Variants in ABHD6 observed in about 807,000 individuals in gnomAD.
The protein encoded by ABHD6 is monoacylglycerol lipase ABHD6.
A neutral mutation model predicts 38.8 loss-of-function variants in ABHD6; 33 were observed. The observed-to-expected ratio is 0.85, with a 90% CI of 0.64 to 1.14. The LOEUF is 1.14. ABHD6 is among the 50% of genes most tolerant of loss of function. The pLI, the probability that ABHD6 is intolerant of heterozygous loss-of-function variation, is 0.00. For synonymous variants in ABHD6, 147 were observed against 161.6 expected, an observed-to-expected ratio of 0.91 and a Z score of 0.69; for missense variants, 380 against 422.6, an observed-to-expected ratio of 0.90 and a Z score of 0.88.
Position 58,269,294 on chromosome 3 carries a change from T to C in ABHD6, c.277-27T>C. ...CAGACATGTTTTGCACACCACATAC[T>C]GACTCTCTGGGTCTGTGTGTCCTCA... On this transcript the variant is annotated intron_variant, in intron 4 of 9. Transcript: ENST00000478253. The surrounding 1 kb of genome is among the most constrained non-coding windows in gnomAD (Gnocchi z 4.4). The C allele has an allele frequency of 6.4e-7, 1 of 1,569,224 alleles. No individual in the cohort carries two copies.
At chr3:58,258,629 G>A (rs1346682971) in intron 3 of ABHD6, 2 of 201,582 alleles carry the variant, frequency 9.9e-6, no homozygotes, top group Non-Finnish European at 2.1e-5. Flanking sequence ...CTATAGGTAA[G>A]CCCATTGAGA....
intron 9 of ABHD6, among the ~76,000 whole-genome samples, chr3:58,288,335 C>A (rs1469736960): frequency 6.6e-6 from 1 of 152,186 alleles, no homozygotes; most frequent in Non-Finnish European, 1.5e-5. Context: ...TGTGCATTGT[C>A]ATTTTTGTGA....
At chr3:58,286,872 A>ATATATATATATATATG (rs1559784535) in intron 9 of ABHD6, among the ~76,000 whole-genome samples, 3 of 133,836 alleles carry the variant, frequency 2.2e-5, no homozygotes, top group Admixed American at 1.6e-4. Context: ...ATATATATGT[A>ATATATATATATATATG]TATGTATATA....
intron 7 of ABHD6, among the ~76,000 whole-genome samples, chr3:58,281,238 T>C (rs1186748545): frequency 2.0e-5 from 3 of 152,234 alleles, no homozygotes; most frequent in Non-Finnish European, 4.4e-5. Context: ...TGCTGAGCTG[T>C]GGTGGGCTTT....
rs558848636 is a variant in ABHD6, at chr3:58,267,864, G to C, written c.276+519G>C. On this transcript the variant is annotated intron_variant, in intron 4 of 9. Coordinates refer to ENST00000478253, the MANE Select transcript of ABHD6 (RefSeq NM_001320126.2). The surrounding 1 kb of genome is among the most constrained non-coding windows in gnomAD (Gnocchi z 4.3). ...GGAGGCCAAGGCAGGCAGATCACTTGAGCCCAGGAGTTTGAGACCAGCCTG... is the reference window on the plus strand; with the variant it reads ...GGAGGCCAAGGCAGGCAGATCACTTCAGCCCAGGAGTTTGAGACCAGCCTG... Among the ~76,000 whole-genome samples the C allele has an allele frequency of 6.6e-6, 1 of 151,826 alleles. No individual in the cohort carries two copies. The highest frequency in any genetic ancestry group is 1.5e-5 in the Non-Finnish European group (1 of 67,972).
chr3:58,274,114 G>C (rs1203708601), intron 6 of ABHD6, among the ~76,000 whole-genome samples: 2 of 152,170 alleles, frequency 1.3e-5, no homozygotes, highest in Non-Finnish European at 2.9e-5. Context: ...TAAAGCAAGG[G>C]ACAGCTGGGA....
chr3:58,282,828 T>C (rs2097454339), intron 7 of ABHD6, among the ~76,000 whole-genome samples: 1 of 152,208 alleles, frequency 6.6e-6, no homozygotes, highest in South Asian at 2.1e-4. Context: ...CCATTTTTCA[T>C]GTGTTAAGTT....
At chr3:58,275,449 C>G (rs1318798348) in intron 7 of ABHD6, among the ~76,000 whole-genome samples, 3 of 151,708 alleles carry the variant, frequency 2.0e-5, no homozygotes, top group Non-Finnish European at 4.4e-5. Context: ...TCTGCCTCAG[C>G]CTCCTGAGTA....
At chr3:58,245,386 G>A (rs1048628430) in intron 1 of ABHD6, among the ~76,000 whole-genome samples, 22 of 151,922 alleles carry the variant, frequency 1.4e-4, no homozygotes, top group Admixed American at 7.9e-4. Flanking sequence ...GGCTGGTCTC[G>A]AACTCCTGAC....
chr3:58,261,500 A>T (rs1029627780), intron 3 of ABHD6, among the ~76,000 whole-genome samples: 1 of 152,068 alleles, frequency 6.6e-6, no homozygotes, highest in African/African-American at 2.4e-5. Flanking sequence ...CAGCTTCTAG[A>T]GTAACTGGGG....
chr3:58,239,933 T>G (rs924066513), intron 1 of ABHD6, among the ~76,000 whole-genome samples: 1 of 150,702 alleles, frequency 6.6e-6, no homozygotes, highest in African/African-American at 2.4e-5. Flanking sequence ...GAGGATCACC[T>G]GAACCCAGGA....
intron 2 of ABHD6, among the ~76,000 whole-genome samples, chr3:58,252,460 C>T (rs1007006735): frequency 2.0e-5 from 3 of 151,900 alleles, no homozygotes; most frequent in African/African-American, 4.8e-5. Context: ...GCAATCTGCC[C>T]GTCTCGGCCT....
rs547156866 is a variant in ABHD6, at chr3:58,240,776, G to A, written c.-91+2860G>A. ...GACGGAGTCTTGCTCTGTCGCCCAG[G>A]CTGGAGTGCAGTAGCGCGATCTCGG... On this transcript the variant is annotated intron_variant, in intron 1 of 9. Transcript: ENST00000478253. Among the ~76,000 whole-genome samples the A allele has an allele frequency of 3.5e-5, 5 of 143,142 alleles. No individual in the cohort carries two copies. The East Asian group carries it at 8.1e-4, about 23-fold the overall frequency. 93.9% of individuals were successfully genotyped at this position (143,142 alleles called of 152,430 possible). A position where few individuals can be genotyped will look rare whatever the true frequency, so the allele number is the denominator to read the frequency against.
chr3:58,240,731 A>ATTTTTT (rs34994874), intron 1 of ABHD6, among the ~76,000 whole-genome samples: 3 of 134,370 alleles, frequency 2.2e-5, no homozygotes, highest in African/African-American at 8.7e-5. Context: ...AACCTGGGTA[A>ATTTTTT]TTTTTTTTTT....
chr3:58,277,803 A>T (rs2097449836), intron 7 of ABHD6, among the ~76,000 whole-genome samples: 1 of 152,176 alleles, frequency 6.6e-6, no homozygotes, highest in Non-Finnish European at 1.5e-5. Flanking sequence ...TAGTTTATTG[A>T]GAGTTTTTAG....
rs2097440464 is a variant in ABHD6 at position 58,265,729 on chromosome 3, C to T, written c.120-1460C>T. Among the ~76,000 whole-genome samples, 1 of 152,124 alleles carries T rather than the reference C, an allele frequency of 6.6e-6. No individual in the cohort carries two copies. Among genetic ancestry groups the T allele is most frequent in the Admixed American group, 6.6e-5 (1 of 15,258 alleles). ...GCTTATTGTTCTGGAGGTTGGGAAG[C>T]CCAAGAGAATGGCACCAATATCTGG... On this transcript the variant is annotated intron_variant, in intron 3 of 9. Coordinates refer to ENST00000478253, the MANE Select transcript of ABHD6 (RefSeq NM_001320126.2). The surrounding 1 kb of genome is among the most constrained non-coding windows in gnomAD (Gnocchi z 4.2).
chr3:58,271,074 G>A lies in ABHD6; in HGVS notation c.523+10G>A. On this transcript the variant is annotated intron_variant, in intron 6 of 9. Coordinates refer to ENST00000478253, the MANE Select transcript of ABHD6 (RefSeq NM_001320126.2). ...CTCGTGTGTCCTGCTGGTAAGTTATGAAGCTGAAACATCCCTCGGCAGGGA... is the reference window on the plus strand; with the variant it reads ...CTCGTGTGTCCTGCTGGTAAGTTATAAAGCTGAAACATCCCTCGGCAGGGA... 2 of 1,587,280 alleles carry A rather than the reference G, an allele frequency of 1.3e-6. No individual in the cohort carries two copies. The highest frequency in any genetic ancestry group is 1.7e-6 in the Non-Finnish European group (2 of 1,170,140).
chr3:58,293,635 A>G lies in ABHD6; in HGVS notation c.884A>G (p.Asn295Ser), dbSNP rs765913752. The change falls in exon 10 of 10, where the codon AAC becomes AGC. Residue 295 changes from asparagine (N) to serine (S), a missense_variant. Physicochemically the swap from Asn to Ser is conservative, Grantham distance 46. Transcript: ENST00000478253. The surrounding 1 kb of genome is among the most constrained non-coding windows in gnomAD (Gnocchi z 4.4). The part of the protein sequence containing the change: ...GADMLAKSIA[N>S]CQVELLENCG... Reference sequence around the variant, plus strand: ...GACATGTTGGCCAAGTCAATTGCCAACTGCCAGGTGGAGCTTCTGGAAAAC... The same window carrying G: ...GACATGTTGGCCAAGTCAATTGCCAGCTGCCAGGTGGAGCTTCTGGAAAAC... The G allele has an allele frequency of 6.3e-5, 102 of 1,614,054 alleles. No homozygotes were observed. Among genetic ancestry groups the G allele is most frequent in the Non-Finnish European group, 8.2e-5 (97 of 1,180,032 alleles).
rs1408585600 is a variant in ABHD6 at position 58,247,988 on chromosome 3, G to T, written c.-90-1890G>T. Among the ~76,000 whole-genome samples the T allele has an allele frequency of 2.0e-5, 3 of 152,308 alleles. No homozygotes were observed. In the East Asian group the frequency reaches 5.8e-4, roughly 29 times the overall value. On this transcript the variant is annotated intron_variant, in intron 1 of 9. Transcript: ENST00000478253. ...CCCAGCCCTGCAGTTTCCCTTCCCA[G>T]TGCTAACCATAATCATGGCCAATTT...
Sources: gnomAD v4.1 joint callset for allele counts (sites outside exome capture counted in the v4.1 genomes callset) on GRCh38, gnomAD v4.1.1 for gene constraint, Gnocchi (gnomAD v3.1) non-coding constraint, MANE v1.5 for transcripts, NCBI Gene and HGNC (gene_info 2026-07-23, HGNC 2026-07-21) for gene names.